Variants in DELE1 observed in about 807,000 individuals in gnomAD.
The protein encoded by DELE1 is death ligand signal enhancer.
A neutral mutation model predicts 59.3 loss-of-function variants in DELE1; 54 were observed. That is an observed-to-expected ratio of 0.91 (90% CI 0.73 to 1.14). DELE1 has a LOEUF of 1.14. Among genes scored for constraint, DELE1 ranks in the 50% most tolerant of loss-of-function variants. DELE1 has a pLI of 0.00. For synonymous variants in DELE1, 264 were observed against 259.1 expected (o/e 1.02, Z -0.18); for missense variants, 636 against 643.9 (o/e 0.99, Z 0.13).
chr5:141,938,721 C>T lies in DELE1; in HGVS notation c.1510C>T (p.Pro504Ser). ...SSRAIPPHPY[P>S]LERSVVRLGF... ...CAGGGCTATTCCCCCACACCCCTACCCACTGGAAAGGAGTGTTGTAAGACT... is the reference window on the plus strand; with the variant it reads ...CAGGGCTATTCCCCCACACCCCTACTCACTGGAAAGGAGTGTTGTAAGACT... The change falls in exon 12 of 12, where the codon CCA (proline) becomes TCA (serine). Residue 504 changes from proline to serine, a missense_variant. Physicochemically the swap from Pro to Ser is moderately conservative, Grantham distance 74. Transcript: ENST00000432126. 1 of 1,614,036 alleles carries T rather than the reference C, an allele frequency of 6.2e-7. No homozygotes were observed. Among genetic ancestry groups the T allele is most frequent in the Non-Finnish European group, 8.5e-7 (1 of 1,180,006 alleles).
chr5:141,933,301 C>T lies in DELE1; in HGVS notation c.797C>T (p.Ser266Phe). Residue 266 changes from serine (S) to phenylalanine (F), a missense_variant, in exon 8 of 12, where the codon TCT (serine) becomes TTT (phenylalanine). Physicochemically the swap from Ser to Phe is radical, Grantham distance 155 (BLOSUM62 -2). Transcript: ENST00000432126. ...MKSGDHTAAF[S>F]YFQKAAARGY... ...AGTGGCGACCACACGGCAGCCTTTTCTTACTTCCAGAAAGCTGCAGCCCGC... is the reference window on the plus strand; with the variant it reads ...AGTGGCGACCACACGGCAGCCTTTTTTTACTTCCAGAAAGCTGCAGCCCGC... 6.4e-7 allele frequency: 1 copy of T among 1,570,360 alleles called. No homozygotes were observed. Among genetic ancestry groups the T allele is most frequent in the Non-Finnish European group, 8.7e-7 (1 of 1,148,592 alleles).
At position 141,940,455 on chromosome 5, in the gene DELE1, C is replaced by G. The variant is rs1409116378; in HGVS notation, c.*1696C>G. On this transcript the variant is annotated 3_prime_UTR_variant, in exon 12 of 12. Transcript: ENST00000432126. ...GCCCACCGCCCACCCCCCACAATCC[C>G]ATGACTGAGTGGAGACCAACCAGCC... is the stretch of plus-strand genomic sequence containing the variant. The G allele has an allele frequency of 5.1e-6, 5 of 985,406 alleles. No homozygotes were observed. The highest frequency in any genetic ancestry group is 6.0e-6 in the Non-Finnish European group (5 of 830,022). 61.0% of individuals were successfully genotyped at this position (985,406 alleles called of 1,614,324 possible).
chr5:141,934,613 T>C (rs1429304453), intron 10 of DELE1, 27 bp downstream of exon 10: 1 of 1,601,684 alleles, frequency 6.2e-7, no homozygotes, highest in Non-Finnish European at 8.6e-7. Context: ...GACAAGCATG[T>C]TGGGGATGAA....
At chr5:141,926,198 G>T (rs995013415) in intron 3 of DELE1, among the ~76,000 whole-genome samples, 6 of 152,116 alleles carry the variant, frequency 3.9e-5, no homozygotes, top group African/African-American at 1.4e-4. Context: ...ATTTATTAAT[G>T]TAAAGTATTA....
At position 141,928,150 on chromosome 5, in the gene DELE1, G is replaced by A; in HGVS notation, c.265-1G>A. On this transcript the variant is annotated splice_acceptor_variant, in intron 3 of 11. Coordinates refer to ENST00000432126, the MANE Select transcript of DELE1 (RefSeq NM_014773.5). LOFTEE classifies it high-confidence loss of function. ...TGTCCTTAACGTGCTGTCTTTCCCA[G>A]GGCACTCTGGCCGTGCTGGCCCTGC... The A allele has an allele frequency of 1.2e-6, 2 of 1,612,924 alleles. No individual in the cohort carries two copies. Among genetic ancestry groups the A allele is most frequent in the Non-Finnish European group, 1.7e-6 (2 of 1,179,358 alleles).
intron 2 of DELE1, among the ~76,000 whole-genome samples, chr5:141,925,040 G>C (rs1448107545): frequency 6.6e-6 from 1 of 152,152 alleles, no homozygotes; most frequent in African/African-American, 2.4e-5. Flanking sequence ...CGATTCTGCT[G>C]CCTCAGCCTC....
intron 3 of DELE1, among the ~76,000 whole-genome samples, chr5:141,926,080 A>G (rs965690390): frequency 1.3e-5 from 2 of 151,872 alleles, no homozygotes; most frequent in African/African-American, 4.8e-5. Flanking sequence ...GGGTTTCACC[A>G]TTTTGGCCAG....
intron 11 of DELE1, 77 bp downstream of exon 11, chr5:141,937,434 T>C: frequency 6.6e-7 from 1 of 1,517,872 alleles, no homozygotes; most frequent in Non-Finnish European, 9.0e-7. Flanking sequence ...GTAGCAGTAG[T>C]CTCTGGTCTC....
intron 5 of DELE1, 113 bp from the exon 6 acceptor site, chr5:141,929,876 T>G: frequency 6.6e-7 from 1 of 1,507,950 alleles, no homozygotes; most frequent in South Asian, 1.1e-5. Context: ...TCAGGGTTAT[T>G]TCGGTTCCTG....
intron 8 of DELE1, 179 bp downstream of exon 8, chr5:141,933,580 C>G: frequency 1.1e-5 from 4 of 369,274 alleles, no homozygotes; most frequent in Non-Finnish European, 1.9e-5. Flanking sequence ...ACTCAAAATT[C>G]AGGGAGGGCA....
In DELE1 at chr5:141,924,601, C is replaced by T; in HGVS notation, c.52C>T (p.Pro18Ser). The T allele has an allele frequency of 6.2e-7, 1 of 1,613,374 alleles. No individual in the cohort carries two copies. Among genetic ancestry groups the T allele is most frequent in the Non-Finnish European group, 8.5e-7 (1 of 1,179,306 alleles). The change falls in exon 2 of 12, where the codon CCT becomes TCT. Residue 18 changes from proline (P) to serine (S), a missense_variant. Physicochemically the swap from Pro to Ser is moderately conservative, Grantham distance 74 (BLOSUM62 -1). Coordinates refer to ENST00000432126, the MANE Select transcript of DELE1 (RefSeq NM_014773.5). ...TACAGCTCTTCCCCGTACACTGGGACCTAGCCTCTGGAGGGTGACTCCTAA... is the reference window on the plus strand; with the variant it reads ...TACAGCTCTTCCCCGTACACTGGGATCTAGCCTCTGGAGGGTGACTCCTAA... ...LGRALPRTLG[P>S]SLWRVTPKST...
intron 4 of DELE1, 51 bp from the exon 5 acceptor site, chr5:141,929,531 T>G (rs762780445): frequency 1.1e-5 from 17 of 1,589,960 alleles, no homozygotes; most frequent in Non-Finnish European, 1.4e-5. Flanking sequence ...ATTATAGGTG[T>G]GAGCCATCGC....
Position 141,941,014 on chromosome 5 carries a change from T to A in DELE1, c.*2255T>A. On this transcript the variant is annotated 3_prime_UTR_variant, in exon 12 of 12. Coordinates refer to ENST00000432126, the MANE Select transcript of DELE1 (RefSeq NM_014773.5). Reference sequence around the variant, plus strand: ...AACTTGGTTAACCCAATGTTTTCTCTCACTGAATTGAGCCCAGAGCCCGTT... The same window carrying A: ...AACTTGGTTAACCCAATGTTTTCTCACACTGAATTGAGCCCAGAGCCCGTT... 1.0e-6 allele frequency: 1 copy of A among 985,302 alleles called. No individual in the cohort carries two copies. Among genetic ancestry groups the A allele is most frequent in the Non-Finnish European group, 1.2e-6 (1 of 829,788 alleles). 61.0% of individuals were successfully genotyped at this position (985,302 alleles called of 1,614,324 possible). A position where few individuals can be genotyped will look rare whatever the true frequency, so the allele number is the denominator to read the frequency against.
chr5:141,933,172 A>G, intron 7 of DELE1, 87 bp from the exon 8 acceptor site: 1 of 911,648 alleles, frequency 1.1e-6, no homozygotes, highest in East Asian at 3.4e-5. Context: ...AGGGAGGAGG[A>G]TCAGATGAGG....
At position 141,936,852 on chromosome 5, in the gene DELE1, A is replaced by G. The variant is rs1244753858; in HGVS notation, c.1150-346A>G. On this transcript the variant is annotated intron_variant, in intron 10 of 11. Coordinates refer to ENST00000432126, the MANE Select transcript of DELE1 (RefSeq NM_014773.5). ...TCCACCTTCGCCTCCTTGCTGTTTC[A>G]GGGCAACATAGGAGCCCGACTCCCA... 9 of 985,022 alleles carry G rather than the reference A, an allele frequency of 9.1e-6. No homozygotes were observed. The African/African-American group carries it at 1.6e-4, about 17-fold the overall frequency. The allele number at this position is 985,022 out of a possible 1,614,324, so 61.0% of individuals were successfully genotyped here. A position where few individuals can be genotyped will look rare whatever the true frequency, so the allele number is the denominator to read the frequency against.
intron 11 of DELE1, 80 bp downstream of exon 11, chr5:141,937,437 C>G: frequency 6.6e-7 from 1 of 1,508,450 alleles, no homozygotes; most frequent in Non-Finnish European, 9.1e-7. Context: ...GCAGTAGTCT[C>G]TGGTCTCCTA....
In DELE1 at chr5:141,939,801, G is replaced by A. The variant is rs1446183134; in HGVS notation, c.*1042G>A. 4.3e-6 allele frequency: 3 copies of A among 697,026 alleles called. No homozygotes were observed. The highest frequency in any genetic ancestry group is 5.3e-6 in the Non-Finnish European group (3 of 566,938). 43.2% of individuals were successfully genotyped at this position (697,026 alleles called of 1,614,324 possible). A position where few individuals can be genotyped will look rare whatever the true frequency, so the allele number is the denominator to read the frequency against. ...TCCTCAGTTGTAGACCAAAGGCAAT[G>A]GTGTCTGCCCTCCTACCTTAGAAGA... On this transcript the variant is annotated 3_prime_UTR_variant, in exon 12 of 12. Transcript: ENST00000432126.
At position 141,940,507 on chromosome 5, in the gene DELE1, G is replaced by A; in HGVS notation, c.*1748G>A. ...GGCCAATTCAAAGGCAAGAAGATTTGAGGGGGGAAAGTTGTCCACGTTTCC... is the reference window on the plus strand; with the variant it reads ...GGCCAATTCAAAGGCAAGAAGATTTAAGGGGGGAAAGTTGTCCACGTTTCC... On this transcript the variant is annotated 3_prime_UTR_variant, in exon 12 of 12. Coordinates refer to ENST00000432126, the MANE Select transcript of DELE1 (RefSeq NM_014773.5). 2.0e-6 allele frequency: 2 copies of A among 985,362 alleles called. No homozygotes were observed. The highest frequency in any genetic ancestry group is 2.4e-6 in the Non-Finnish European group (2 of 829,946). The allele number at this position is 985,362 out of a possible 1,614,324, so 61.0% of individuals were successfully genotyped here.
chr5:141,932,375 T>C (rs994154487), intron 7 of DELE1, among the ~76,000 whole-genome samples: 4 of 152,204 alleles, frequency 2.6e-5, no homozygotes, highest in African/African-American at 9.7e-5. Flanking sequence ...TGAAACAAGA[T>C]TAACAGTATC....
Sources: allele counts gnomAD v4.1 joint callset (sites outside exome capture counted in the v4.1 genomes callset), GRCh38; gene constraint gnomAD v4.1.1; transcripts MANE v1.5; gene names NCBI Gene and HGNC (gene_info 2026-07-23, HGNC 2026-07-21).